CDH13: variants seen among roughly 807,000 people sequenced by gnomAD.
CDH13 encodes the protein cadherin 13.
CDH13 carries 24 observed loss-of-function variants against 63.8 expected under a neutral mutation model. The ratio of observed to expected loss-of-function variants is 0.38; its 90% confidence interval spans 0.27 to 0.53. The LOEUF is 0.53. CDH13 is among the 20% of genes least tolerant of loss of function. The pLI, the probability that CDH13 is intolerant of heterozygous loss-of-function variation, is 0.85. For missense variants in CDH13, 1,049 were observed against 903.1 expected, an observed-to-expected ratio of 1.16 and a Z score of -2.07; for synonymous variants, 503 against 355.3, an observed-to-expected ratio of 1.42 and a Z score of -4.67.
intron 7 of CDH13, among the ~76,000 whole-genome samples, chr16:83,543,116 C>T (rs779254306): frequency 6.6e-6 from 1 of 152,174 alleles, no homozygotes; most frequent in African/African-American, 2.4e-5. Context: ...CTTGGCACAT[C>T]GTATGTTTTA....
chr16:83,606,027 C>G (rs1460201814), intron 8 of CDH13, among the ~76,000 whole-genome samples: 2 of 152,142 alleles, frequency 1.3e-5, no homozygotes, highest in Non-Finnish European at 2.9e-5. Context: ...ATGCAGTGGC[C>G]TCTAGGATAT....
At chr16:83,357,702 T>A (rs889646578) in intron 6 of CDH13, among the ~76,000 whole-genome samples, 1 of 152,168 alleles carries the variant, frequency 6.6e-6, no homozygotes, top group Non-Finnish European at 1.5e-5. Flanking sequence ...CAGCAAAGAA[T>A]CATTTGCCTC....
At chr16:82,986,132 G>C (rs369667618) in intron 2 of CDH13, among the ~76,000 whole-genome samples, 2 of 152,322 alleles carry the variant, frequency 1.3e-5, no homozygotes, top group South Asian at 4.1e-4. Flanking sequence ...TAGAGATGTT[G>C]TGGGACAACA....
chr16:83,348,260 A>G (rs2090880578), intron 6 of CDH13, among the ~76,000 whole-genome samples: 1 of 152,182 alleles, frequency 6.6e-6, no homozygotes, highest in Admixed American at 6.5e-5. Flanking sequence ...TTTACACCAC[A>G]GACTCTTTGC....
chr16:82,736,007 G>A (rs994480329), intron 1 of CDH13, among the ~76,000 whole-genome samples: 9 of 152,110 alleles, frequency 5.9e-5, no homozygotes, highest in African/African-American at 2.2e-4. Context: ...GTCTAGCCCT[G>A]GGAAAACCTG....
chr16:82,850,937 AC>A (rs2039455288), intron 1 of CDH13, among the ~76,000 whole-genome samples: 1 of 152,214 alleles, frequency 6.6e-6, no homozygotes, highest in South Asian at 2.1e-4. Context: ...TATAAACATA[AC>A]TTTTATATGC....
At chr16:83,000,332 T>A (rs1265663441) in intron 2 of CDH13, among the ~76,000 whole-genome samples, 2 of 127,296 alleles carry the variant, frequency 1.6e-5, no homozygotes, top group African/African-American at 5.9e-5. Context: ...CGCTGCAACC[T>A]CCACCTCCCA....
In CDH13 at chr16:83,154,804, A is replaced by G. The variant is rs112122319; in HGVS notation, c.483+29303A>G. On this transcript the variant is annotated intron_variant, in intron 4 of 13. Coordinates refer to ENST00000567109, the MANE Select transcript of CDH13 (RefSeq NM_001257.5). ...AGATTTTTGGCCCCAGGTGTGTTCT[A>G]TATTTTCTGTAAGACCTGCAAGTAA... Among the ~76,000 whole-genome samples, 20 of 152,304 alleles carry G rather than the reference A, an allele frequency of 1.3e-4. No homozygotes were observed. In the East Asian group the frequency reaches 3.1e-3, roughly 24 times the overall value.
intron 4 of CDH13, among the ~76,000 whole-genome samples, chr16:83,126,077 C>G (rs1297128047): frequency 1.3e-5 from 2 of 152,202 alleles, no homozygotes; most frequent in African/African-American, 2.4e-5. Context: ...ATTCTCCCCT[C>G]TTTAAGAGAG....
intron 1 of CDH13, among the ~76,000 whole-genome samples, chr16:82,724,023 A>T (rs1478471336): frequency 6.6e-6 from 1 of 152,210 alleles, no homozygotes; most frequent in African/African-American, 2.4e-5. Flanking sequence ...TTTGAAAATG[A>T]ACAACTTCAT....
chr16:82,849,763 G>C (rs2039405020), intron 1 of CDH13, among the ~76,000 whole-genome samples: 1 of 152,182 alleles, frequency 6.6e-6, no homozygotes, highest in Non-Finnish European at 1.5e-5. Context: ...TGAAGCCAAT[G>C]CTTATTCACC....
intron 1 of CDH13, among the ~76,000 whole-genome samples, chr16:82,698,123 C>T (rs1813084177): frequency 1.3e-5 from 2 of 152,170 alleles, no homozygotes; most frequent in South Asian, 4.1e-4. Flanking sequence ...CTAACTGTTG[C>T]TGTAGGCCTA....
chr16:82,856,693 C>CAAAAAAAA (rs56106728), intron 1 of CDH13, among the ~76,000 whole-genome samples: 4 of 49,546 alleles, frequency 8.1e-5, no homozygotes, highest in African/African-American at 1.8e-4. Context: ...GACTCGGTCT[C>CAAAAAAAA]AAAAAAAAAA....
At chr16:83,414,909 TGAA>T (rs2092178376) in intron 6 of CDH13, among the ~76,000 whole-genome samples, 2 of 152,258 alleles carry the variant, frequency 1.3e-5, no homozygotes, top group African/African-American at 4.8e-5. Context: ...AACTATCTCT[TGAA>T]GATCCTGATT....
intron 3 of CDH13, among the ~76,000 whole-genome samples, chr16:83,111,350 T>A (rs2035049232): frequency 6.6e-6 from 1 of 152,076 alleles, no homozygotes; most frequent in South Asian, 2.1e-4. Context: ...AAATAAGTGA[T>A]TACACTTAAA....
chr16:83,756,896 CT>C (rs1555525481), intron 11 of CDH13, among the ~76,000 whole-genome samples: 1 of 152,126 alleles, frequency 6.6e-6, no homozygotes, highest in Non-Finnish European at 1.5e-5. Flanking sequence ...AGGAGTAAAG[CT>C]GTAAAAGATT....
chr16:83,498,535 T>C (rs547826351), intron 7 of CDH13, among the ~76,000 whole-genome samples: 13 of 152,306 alleles, frequency 8.5e-5, no homozygotes, highest in Admixed American at 2.0e-4. Context: ...CATATCACCA[T>C]GTGTCAGTCC....
intron 3 of CDH13, among the ~76,000 whole-genome samples, chr16:83,103,045 C>T (rs1047376620): frequency 1.6e-4 from 22 of 141,920 alleles, no homozygotes; most frequent in African/African-American, 5.5e-4. Context: ...CTCTGCCTCC[C>T]TGGTTCAAAC....
intron 1 of CDH13, among the ~76,000 whole-genome samples, chr16:82,780,782 G>T (rs1332288365): frequency 6.6e-6 from 1 of 152,138 alleles, no homozygotes; most frequent in African/African-American, 2.4e-5. Context: ...CTGGTTCATT[G>T]TTCTATTGTT....
Sources: allele counts gnomAD v4.1 joint callset (sites outside exome capture counted in the v4.1 genomes callset), GRCh38; gene constraint gnomAD v4.1.1; transcripts MANE v1.5; gene names NCBI Gene and HGNC (gene_info 2026-07-23, HGNC 2026-07-21).